AFAP1L2: variants seen among roughly 807,000 people sequenced by gnomAD.
The protein encoded by AFAP1L2 is actin filament-associated protein 1-like 2.
A neutral mutation model predicts 99.3 loss-of-function variants in AFAP1L2; 46 were observed. That is an observed-to-expected ratio of 0.46 (90% confidence interval 0.37 to 0.59). The LOEUF is 0.59. AFAP1L2 is among the 20% of genes least tolerant of loss of function. The pLI is 0.00. For missense variants in AFAP1L2, 959 were observed against 1,034.9 expected, an observed-to-expected ratio of 0.93 and a Z score of 1.01; for synonymous variants, 397 against 419.1, an observed-to-expected ratio of 0.95 and a Z score of 0.64.
chr10:114,302,127 C>A, intron 12 of AFAP1L2: 1 of 665,328 alleles, frequency 1.5e-6, no homozygotes, highest in South Asian at 1.9e-5. Context: ...CCCCCGGGGC[C>A]CGAAGCCTGG....
downstream of AFAP1L2, chr10:114,290,059 G>A (rs1309792486): frequency 1.5e-6 from 1 of 655,984 alleles, no homozygotes; most frequent in South Asian, 2.0e-5. Context: ...CCATGAGTCT[G>A]TAGGAGAGCT....
intron 1 of AFAP1L2, among the ~76,000 whole-genome samples, chr10:114,368,021 G>A (rs10787526): frequency 0.5 from 75,275 of 152,060 alleles, 20,273 homozygotes; most frequent in East Asian, 0.69. Flanking sequence ...CTAAAAGTGA[G>A]TTGGTGCAGC....
downstream of AFAP1L2, chr10:114,294,814 T>C: frequency 1.0e-6 from 1 of 982,956 alleles, no homozygotes; most frequent in Non-Finnish European, 1.2e-6. Flanking sequence ...TTTCATGAAC[T>C]GAGGAAAACT....
intron 1 of AFAP1L2, 26 bp from the exon 2 acceptor site, chr10:114,340,757 T>A (rs771731299): frequency 1.2e-6 from 2 of 1,613,950 alleles, no homozygotes; most frequent in African/African-American, 2.7e-5. Flanking sequence ...AGAAGAAACT[T>A]ATAGTGGCTG....
chr10:114,389,432 C>A (rs1023570985), intron 1 of AFAP1L2, among the ~76,000 whole-genome samples: 1 of 152,102 alleles, frequency 6.6e-6, no homozygotes, highest in Admixed American at 6.6e-5. Flanking sequence ...TGAAGAGGAG[C>A]AAAATGAACC....
chr10:114,393,319 C>T (rs1193087141), intron 1 of AFAP1L2, among the ~76,000 whole-genome samples: 1 of 152,150 alleles, frequency 6.6e-6, no homozygotes, highest in African/African-American at 2.4e-5. Flanking sequence ...AGAATGTAGC[C>T]AAGAAACGAG....
chr10:114,340,181 CAAA>C (rs3061678), intron 2 of AFAP1L2, among the ~76,000 whole-genome samples: 9,141 of 143,282 alleles, frequency 0.064, 506 homozygotes, highest in African/African-American at 0.15. Flanking sequence ...AAAAAAAATA[CAAA>C]AAAAAAAAAA....
intron 16 of AFAP1L2, among the ~76,000 whole-genome samples, 196 bp from the exon 17 acceptor site, chr10:114,297,609 G>A (rs1448438828): frequency 3.3e-5 from 5 of 152,244 alleles, no homozygotes; most frequent in Non-Finnish European, 4.4e-5. Flanking sequence ...TGCAAAGGCT[G>A]GGAGGCTCTT....
In AFAP1L2 at chr10:114,297,044, G is replaced by A. The variant is rs1564768023; in HGVS notation, c.2364C>T (p.Thr788=). Residue 788 remains threonine (T), a synonymous_variant, in exon 18 of 19, where the codon ACC becomes ACT. Coordinates refer to ENST00000304129, the MANE Select transcript of AFAP1L2 (RefSeq NM_001001936.3). ...APDCTPVNSA[T]TLKNRPLSVV... is the part of the protein sequence containing the mutation. ...CCGAGAGAGGCCTGTTCTTGAGTGT[G>A]GTTGCAGAGTTGACTGGGGTACAGT... The A allele has an allele frequency of 6.2e-7, 1 of 1,614,188 alleles. No individual in the cohort carries two copies. Among genetic ancestry groups the A allele is most frequent in the Non-Finnish European group, 8.5e-7 (1 of 1,180,022 alleles).
At chr10:114,378,629 C>T (rs1052178501) in intron 1 of AFAP1L2, among the ~76,000 whole-genome samples, 4 of 152,198 alleles carry the variant, frequency 2.6e-5, no homozygotes, top group Non-Finnish European at 4.4e-5. Context: ...TTTCAGTGCA[C>T]CTCTAAATCT....
intron 1 of AFAP1L2, among the ~76,000 whole-genome samples, chr10:114,353,484 T>G (rs572995655): frequency 6.6e-6 from 1 of 152,312 alleles, no homozygotes; most frequent in African/African-American, 2.4e-5. Flanking sequence ...GCAGATCCAA[T>G]TCTAGTTCAT....
chr10:114,300,205 A>G lies in AFAP1L2; in HGVS notation c.1946T>C (p.Val649Ala). The change falls in exon 15 of 19, where the codon GTG (valine) becomes GCG (alanine). Residue 649 changes from valine to alanine, a missense_variant. This residue lies in a region of AFAP1L2 where 576 missense variants were observed against 562.1 expected (regional missense o/e 1.02). Coordinates refer to ENST00000304129, the MANE Select transcript of AFAP1L2 (RefSeq NM_001001936.3). ...ASPPVKDRLR[V>A]TSAEIKLGKN... ...CCAAGCACAAGTACCTGCACTGGTC[A>G]CGCGCAACCTGTCCTTCACAGGTGG... 1.2e-6 allele frequency: 2 copies of G among 1,614,202 alleles called. No homozygotes were observed. Among genetic ancestry groups the G allele is most frequent in the South Asian group, 1.1e-5 (1 of 91,076 alleles).
chr10:114,317,835 GC>G (rs1196197748), intron 5 of AFAP1L2, among the ~76,000 whole-genome samples: 1 of 152,226 alleles, frequency 6.6e-6, no homozygotes, highest in Non-Finnish European at 1.5e-5. Flanking sequence ...ACTCCAGCCT[GC>G]GCAACAGAGT....
intron 1 of AFAP1L2, among the ~76,000 whole-genome samples, chr10:114,360,766 A>G (rs777142735): frequency 2.0e-5 from 3 of 152,202 alleles, no homozygotes; most frequent in African/African-American, 2.4e-5. Flanking sequence ...AGGTACTTTT[A>G]TCTCCCAAAT....
chr10:114,397,590 A>T (rs1392908406), intron 1 of AFAP1L2, among the ~76,000 whole-genome samples: 1 of 152,154 alleles, frequency 6.6e-6, no homozygotes, highest in Non-Finnish European at 1.5e-5. Flanking sequence ...TTTGCCCAGG[A>T]CTAAGGGGAT....
intron 1 of AFAP1L2, among the ~76,000 whole-genome samples, chr10:114,393,048 C>T (rs758095002): frequency 1.3e-5 from 2 of 152,130 alleles, no homozygotes; most frequent in African/African-American, 2.4e-5. Flanking sequence ...ACCTGATACC[C>T]GGAAAGTAAA....
rs1338781772 is a variant in AFAP1L2, at chr10:114,295,796, A to G, written c.*246T>C. On this transcript the variant is annotated 3_prime_UTR_variant, in exon 19 of 19. Coordinates refer to ENST00000304129, the MANE Select transcript of AFAP1L2 (RefSeq NM_001001936.3). ...AGAAAGAAACACAGAACATCCCTAA[A>G]TACAACGTCTTGTTTACATCCAATA... is the stretch of plus-strand genomic sequence containing the variant. 7.7e-7 allele frequency: 1 copy of G among 1,290,846 alleles called. No homozygotes were observed. Among genetic ancestry groups the G allele is most frequent in the African/African-American group, 1.5e-5 (1 of 66,584 alleles). The allele number at this position is 1,290,846 out of a possible 1,614,324, so 80.0% of individuals were successfully genotyped here.
intron 1 of AFAP1L2, among the ~76,000 whole-genome samples, chr10:114,379,599 CT>C (rs753012670): frequency 1.1e-4 from 16 of 152,044 alleles, no homozygotes; most frequent in Non-Finnish European, 2.1e-4. Flanking sequence ...CATTTTTTTC[CT>C]TTAGAGGAAG....
intron 1 of AFAP1L2, among the ~76,000 whole-genome samples, chr10:114,358,457 A>G (rs1383646222): frequency 6.6e-6 from 1 of 152,180 alleles, no homozygotes; most frequent in Non-Finnish European, 1.5e-5. Context: ...GAGGTTAAAT[A>G]ACTTGGCCAA....
Sources: allele counts gnomAD v4.1 joint callset (sites outside exome capture counted in the v4.1 genomes callset), GRCh38; gene constraint gnomAD v4.1.1; regional missense constraint gnomAD v4.1.1; transcripts MANE v1.5; gene names NCBI Gene and HGNC (gene_info 2026-07-23, HGNC 2026-07-21).